Variants in PCDHA1 observed in about 807,000 individuals in gnomAD.
The protein encoded by PCDHA1 is protocadherin alpha-1.
A neutral mutation model predicts 61.3 loss-of-function variants in PCDHA1; 42 were observed. The ratio of observed to expected loss-of-function variants is 0.69; its 90% CI spans 0.54 to 0.89. PCDHA1 has a LOEUF of 0.89. Among genes scored for constraint, PCDHA1 ranks in the 40% least tolerant of loss-of-function variants. PCDHA1 has a pLI of 0.00. For synonymous variants in PCDHA1, 610 were observed against 553.8 expected, an observed-to-expected ratio of 1.10 and a Z score of -1.43; for missense variants, 1,256 against 1,235.3, an observed-to-expected ratio of 1.02 and a Z score of -0.25.
At chr5:140,871,010 TGG>T in intron 1 of PCDHA1, 1 of 1,613,348 alleles carries the variant, frequency 6.2e-7, no homozygotes, top group South Asian at 1.1e-5. Context: ...ACGCGTGCCC[TGG>T]ACGAGGCAGA....
Position 140,795,640 on chromosome 5 carries a change from G to A in PCDHA1, c.2394+6956G>A, listed in dbSNP as rs1167729742. 5.0e-6 allele frequency: 8 copies of A among 1,614,098 alleles called. No individual in the cohort carries two copies. The African/African-American group carries it at 5.3e-5, about 11-fold the overall frequency. ...GGGCAAACCTGAGCTCACGGGCACC[G>A]TTCAAATACTTATTAAGGTATTAGA... is the stretch of plus-strand genomic sequence containing the variant. On this transcript the variant is annotated intron_variant, in intron 1 of 3. Transcript: ENST00000504120.
rs141107649 is a variant in PCDHA1 at position 140,802,741 on chromosome 5, G to A, written c.2394+14057G>A. ...TACGTGTCGGTACACGCGGAGAGCG[G>A]CAAGGTGTACGCGCTGCAGCCGCTG... On this transcript the variant is annotated intron_variant, in intron 1 of 3. Transcript: ENST00000504120. The A allele has an allele frequency of 1.9e-6, 3 of 1,612,476 alleles. No individual in the cohort carries two copies. In the African/African-American group the frequency reaches 4.0e-5, roughly 22 times the overall value.
At chr5:140,992,017 C>CTGTGTGTGTGTGTG (rs10602499) in intron 3 of PCDHA1, among the ~76,000 whole-genome samples, 1 of 145,628 alleles carries the variant, frequency 6.9e-6, no homozygotes, top group African/African-American at 2.5e-5. Flanking sequence ...AGAGGTGGCT[C>CTGTGTGTGTGTGTG]TGTGTGTGTG....
At chr5:140,856,349 T>C in intron 1 of PCDHA1, 1 of 1,598,368 alleles carries the variant, frequency 6.3e-7, no homozygotes, top group Non-Finnish European at 8.6e-7. Flanking sequence ...GAGCGTGGAG[T>C]GCAGCATCCA....
chr5:140,949,656 GT>G (rs782242887), intron 1 of PCDHA1, among the ~76,000 whole-genome samples: 5 of 151,274 alleles, frequency 3.3e-5, no homozygotes, highest in Non-Finnish European at 7.4e-5. Context: ...TTTTACTTTT[GT>G]TTCTTTAAAG....
chr5:140,933,704 T>C (rs1436562602), intron 1 of PCDHA1, among the ~76,000 whole-genome samples: 1 of 152,084 alleles, frequency 6.6e-6, no homozygotes, highest in African/African-American at 2.4e-5. Flanking sequence ...CGGACACATT[T>C]ACTGAGATTG....
intron 1 of PCDHA1, chr5:140,850,349 G>T (rs1554144220): frequency 1.9e-6 from 3 of 1,597,844 alleles, no homozygotes; most frequent in Non-Finnish European, 2.6e-6. Flanking sequence ...CGGCCAGCGC[G>T]AGCATCCCGT....
intron 1 of PCDHA1, chr5:140,841,807 TG>T (rs2150323037): frequency 6.8e-6 from 11 of 1,613,820 alleles, no homozygotes; most frequent in Non-Finnish European, 9.3e-6. Flanking sequence ...ATGCAGATGT[TG>T]GAGCTAACTC....
At chr5:140,926,618 G>T in intron 1 of PCDHA1, 1 of 382,578 alleles carries the variant, frequency 2.6e-6, no homozygotes, top group Non-Finnish European at 4.6e-6. Flanking sequence ...TGCACCCCTA[G>T]GCGGCGCTGC....
In PCDHA1 at chr5:140,877,377, C is replaced by A. The variant is rs575601254; in HGVS notation, c.2394+88693C>A. 8.1e-6 allele frequency: 13 copies of A among 1,614,008 alleles called. No homozygotes were observed. The South Asian group carries it at 1.1e-4, about 14-fold the overall frequency. ...ACACTGGCGAGATCAGCACGACACG[C>A]ATCCTGGATGAGGCGGACGCTCCGC... On this transcript the variant is annotated intron_variant, in intron 1 of 3. Transcript: ENST00000504120.
chr5:140,835,910 A>T (rs2150248144), intron 1 of PCDHA1: 1 of 1,612,256 alleles, frequency 6.2e-7, no homozygotes, highest in Non-Finnish European at 8.5e-7. Flanking sequence ...GCTACGTGTC[A>T]GTGCACGCGG....
intron 1 of PCDHA1, among the ~76,000 whole-genome samples, chr5:140,970,418 G>A (rs1377182658): frequency 6.6e-6 from 1 of 152,220 alleles, no homozygotes; most frequent in East Asian, 1.9e-4. Flanking sequence ...ACAGTAAGGT[G>A]TAGAGGCAGG....
intron 1 of PCDHA1, chr5:140,836,307 G>T: frequency 6.2e-7 from 1 of 1,613,740 alleles, no homozygotes; most frequent in Non-Finnish European, 8.5e-7. Context: ...TGAGACGGAC[G>T]CACCGCGCCA....
At position 140,858,087 on chromosome 5, in the gene PCDHA1, G is replaced by C. The variant is rs782702941; in HGVS notation, c.2394+69403G>C. ...AGCCAGGCACCCAAGGCCTCGTCGC[G>C]GGCTTCAGTGGGCGTGGCGCCCGAG... On this transcript the variant is annotated intron_variant, in intron 1 of 3. Transcript: ENST00000504120. The C allele has an allele frequency of 3.8e-6, 6 of 1,597,710 alleles. 1 individual carries two copies. Among genetic ancestry groups the C allele is most frequent in the Non-Finnish European group, 5.1e-6 (6 of 1,167,710 alleles).
chr5:140,950,270 G>A (rs980703743), intron 1 of PCDHA1, among the ~76,000 whole-genome samples: 1 of 151,960 alleles, frequency 6.6e-6, no homozygotes, highest in East Asian at 1.9e-4. Flanking sequence ...TATCCATAAT[G>A]TCTTTTTGCT....
chr5:140,790,886 T>G lies in PCDHA1; in HGVS notation c.2394+2202T>G, dbSNP rs576384073. 4.6e-5 allele frequency among the ~76,000 whole-genome samples: 7 copies of G among 152,342 alleles called. No individual in the cohort carries two copies. In the East Asian group the frequency reaches 1.3e-3, roughly 29 times the overall value. On this transcript the variant is annotated intron_variant, in intron 1 of 3. Coordinates refer to ENST00000504120, the MANE Select transcript of PCDHA1 (RefSeq NM_018900.4). ...TAGGAGTACAAAATTTGAAAAGTAA[T>G]TTTTATGAAAAGGTAATTCTAGAAT...
intron 1 of PCDHA1, chr5:140,852,198 T>G (rs2150513327): frequency 1.4e-6 from 1 of 691,814 alleles, no homozygotes; most frequent in Non-Finnish European, 1.8e-6. Context: ...CCAGTAACGT[T>G]TATTTAAAAC....
intron 1 of PCDHA1, chr5:140,967,505 G>C (rs782818141): frequency 2.4e-5 from 39 of 1,612,940 alleles, no homozygotes; most frequent in Non-Finnish European, 3.2e-5. Context: ...CTCTGTGCGT[G>C]TCCTGGACAC....
intron 1 of PCDHA1, chr5:140,881,915 C>G (rs1431128063): frequency 1.7e-5 from 4 of 240,684 alleles, no homozygotes; most frequent in African/African-American, 8.9e-5. Flanking sequence ...AAATGTTGAG[C>G]AGAATGCAGT....
Sources: allele counts gnomAD v4.1 joint callset (sites outside exome capture counted in the v4.1 genomes callset), GRCh38; gene constraint gnomAD v4.1.1; transcripts MANE v1.5; gene names NCBI Gene and HGNC (gene_info 2026-07-23, HGNC 2026-07-21).